Variants in UBAC2 observed in about 807,000 individuals in gnomAD.
UBAC2 encodes ubiquitin-associated domain-containing protein 2.
UBAC2 carries 26 observed loss-of-function variants against 44.0 expected under a neutral mutation model. The ratio of observed to expected loss-of-function variants is 0.59; its 90% CI spans 0.43 to 0.82. UBAC2 has a LOEUF of 0.82. Ranked by LOEUF, UBAC2 falls within the 40% of genes least tolerant of loss-of-function variation. The probability of loss-of-function intolerance (pLI) is 0.00; values close to 1 mark genes in which losing one functional copy is unlikely to be tolerated. For synonymous variants in UBAC2, 155 were observed against 154.3 expected, an observed-to-expected ratio of 1.00 and a Z score of -0.04; for missense variants, 329 against 419.4, an observed-to-expected ratio of 0.78 and a Z score of 1.88.
chr13:99,333,293 A>G (rs914217532), intron 6 of UBAC2, among the ~76,000 whole-genome samples: 2 of 152,236 alleles, frequency 1.3e-5, no homozygotes, highest in Non-Finnish European at 2.9e-5. Context: ...GTGAAAATCT[A>G]AAACATTGTG....
At chr13:99,340,224 C>G in intron 6 of UBAC2, 96 bp from the exon 7 acceptor site, 1 of 1,359,562 alleles carries the variant, frequency 7.4e-7, no homozygotes, top group Non-Finnish European at 1.0e-6. Context: ...AGAAAAATAC[C>G]GTGTGCAGTG....
At chr13:99,247,194 T>TG (rs1374157467) in intron 4 of UBAC2, among the ~76,000 whole-genome samples, 2 of 43,754 alleles carry the variant, frequency 4.6e-5, no homozygotes, top group Admixed American at 2.0e-4. Flanking sequence ...AGAAAACTAC[T>TG]GTTTTTTTTT....
chr13:99,344,341 C>T (rs888225943), intron 7 of UBAC2, among the ~76,000 whole-genome samples: 1 of 152,164 alleles, frequency 6.6e-6, no homozygotes. Context: ...TTGTTTTCCC[C>T]CTTTTCACTT....
At chr13:99,340,732 G>C (rs1256656042) in intron 7 of UBAC2, among the ~76,000 whole-genome samples, 167 bp downstream of exon 7, 2 of 152,120 alleles carry the variant, frequency 1.3e-5, no homozygotes, top group African/African-American at 4.8e-5. Context: ...GCCATTCTTA[G>C]TTTTTTAAAA....
At chr13:99,296,070 G>T in intron 4 of UBAC2, 1 of 1,613,908 alleles carries the variant, frequency 6.2e-7, no homozygotes, top group Non-Finnish European at 8.5e-7. Context: ...GTGCTGTGAT[G>T]TGCATAGAGG....
At chr13:99,256,028 G>A (rs1369633404) in intron 4 of UBAC2, 5 of 631,314 alleles carry the variant, frequency 7.9e-6, no homozygotes, top group South Asian at 4.5e-5. Context: ...ATCAAGGAAC[G>A]ATTCAACTGG....
chr13:99,282,373 G>A (rs2043965367), intron 4 of UBAC2, among the ~76,000 whole-genome samples: 1 of 152,214 alleles, frequency 6.6e-6, no homozygotes, highest in Admixed American at 6.5e-5. Flanking sequence ...AATATTTCTA[G>A]TAGTTGACTG....
intron 1 of UBAC2, among the ~76,000 whole-genome samples, chr13:99,206,417 C>T (rs969719126): frequency 1.3e-5 from 2 of 152,196 alleles, no homozygotes; most frequent in Admixed American, 6.5e-5. Context: ...CCTAGTCCAG[C>T]GGATGGATGT....
In UBAC2 at chr13:99,325,269, A is replaced by G. The variant is rs185101507; in HGVS notation, c.561+7200A>G. Among the ~76,000 whole-genome samples the G allele has an allele frequency of 6.6e-5, 10 of 151,702 alleles. No homozygotes were observed. In the East Asian group the frequency reaches 1.6e-3, roughly 24 times the overall value. ...AGGCGCCTGTCACCATGCCCAGCTAATTTTTTTGTGTTTTTTGTAGAGACG... is the reference window on the plus strand; with the variant it reads ...AGGCGCCTGTCACCATGCCCAGCTAGTTTTTTTGTGTTTTTTGTAGAGACG... On this transcript the variant is annotated intron_variant, in intron 6 of 8. Transcript: ENST00000403766.
At chr13:99,344,776 G>C (rs931498464) in intron 7 of UBAC2, among the ~76,000 whole-genome samples, 1 of 152,184 alleles carries the variant, frequency 6.6e-6, no homozygotes, top group African/African-American at 2.4e-5. Flanking sequence ...CGTGCTCCTC[G>C]TGTGGCTCTG....
chr13:99,231,781 A>G (rs1225945088), intron 1 of UBAC2, among the ~76,000 whole-genome samples: 1 of 152,194 alleles, frequency 6.6e-6, no homozygotes, highest in African/African-American at 2.4e-5. Flanking sequence ...AAAATGTCAC[A>G]TGAATTTATC....
At chr13:99,313,927 A>G (rs140344261) in intron 4 of UBAC2, among the ~76,000 whole-genome samples, 170 bp from the exon 5 acceptor site, 2 of 152,364 alleles carry the variant, frequency 1.3e-5, no homozygotes, top group African/African-American at 4.8e-5. Context: ...AAAGTGTTCT[A>G]TAAGTACAAA....
At chr13:99,331,181 T>C (rs1406303390) in intron 6 of UBAC2, among the ~76,000 whole-genome samples, 2 of 152,248 alleles carry the variant, frequency 1.3e-5, no homozygotes, top group Non-Finnish European at 2.9e-5. Flanking sequence ...TAAACACACA[T>C]ATTTGTGTGA....
intron 4 of UBAC2, among the ~76,000 whole-genome samples, chr13:99,253,513 A>T (rs2043487249): frequency 6.6e-6 from 1 of 151,904 alleles, no homozygotes; most frequent in Non-Finnish European, 1.5e-5. Context: ...ATTTCCAGAA[A>T]TTAATTTCTT....
intron 7 of UBAC2, among the ~76,000 whole-genome samples, chr13:99,359,576 A>G (rs1041257305): frequency 6.6e-6 from 1 of 152,178 alleles, no homozygotes; most frequent in African/African-American, 2.4e-5. Context: ...TGCCATGGTC[A>G]TAGATGGGCT....
chr13:99,348,917 A>G (rs558702461), intron 7 of UBAC2, among the ~76,000 whole-genome samples: 1 of 152,314 alleles, frequency 6.6e-6, no homozygotes, highest in East Asian at 1.9e-4. Context: ...GGAGGCTGAG[A>G]TGGAACGATC....
chr13:99,262,710 C>CAAAAAAAAAAAAA lies in UBAC2; in HGVS notation c.389+18104_389+18116dup, dbSNP rs61627160. On this transcript the variant is annotated intron_variant, in intron 4 of 8. Transcript: ENST00000403766. ...TGGGCAACAGAGCAGAACTCCCTCT[C>CAAAAAAAAAAAAA]AAAAAAAAAAAAAAAAAAAAAAAAA... Among the ~76,000 whole-genome samples, 82 of 57,158 alleles carry CAAAAAAAAAAAAA rather than the reference C, an allele frequency of 1.4e-3. 5 individuals are homozygous for CAAAAAAAAAAAAA. Among genetic ancestry groups the CAAAAAAAAAAAAA allele is most frequent in the Non-Finnish European group, 2.1e-3 (66 of 31,754 alleles). 37.5% of individuals were successfully genotyped at this position (57,158 alleles called of 152,430 possible).
chr13:99,355,540 G>A (rs932608665), intron 7 of UBAC2, among the ~76,000 whole-genome samples: 3 of 152,130 alleles, frequency 2.0e-5, no homozygotes, highest in East Asian at 1.9e-4. Context: ...GTCCCCCCAC[G>A]CCACCCTCTC....
intron 7 of UBAC2, among the ~76,000 whole-genome samples, chr13:99,358,449 C>CA (rs912332111): frequency 5.7e-4 from 87 of 152,104 alleles, no homozygotes; most frequent in African/African-American, 1.8e-3. Flanking sequence ...AAGAGATTTG[C>CA]AAAAATGGAA....
Sources: gnomAD v4.1 joint callset for allele counts (sites outside exome capture counted in the v4.1 genomes callset) on GRCh38, gnomAD v4.1.1 for gene constraint, MANE v1.5 for transcripts, NCBI Gene and HGNC (gene_info 2026-07-23, HGNC 2026-07-21) for gene names.